PTPRD: variants seen among roughly 807,000 people sequenced by gnomAD.
PTPRD encodes the protein receptor-type tyrosine-protein phosphatase delta.
Under a neutral mutation model 214.5 loss-of-function variants are expected in PTPRD, and 34 were observed. The ratio of observed to expected loss-of-function variants is 0.16; its 90% CI spans 0.12 to 0.21. The LOEUF (loss-of-function observed/expected upper bound fraction) is 0.21. Ranked by LOEUF, PTPRD falls within the 10% of genes least tolerant of loss-of-function variation. The pLI, the probability that PTPRD is intolerant of heterozygous loss-of-function variation, is 1.00. For synonymous variants in PTPRD, 1,128 were observed against 845.7 expected, an observed-to-expected ratio of 1.33 and a Z score of -5.79; for missense variants, 2,545 against 2,398.7, an observed-to-expected ratio of 1.06 and a Z score of -1.27.
intron 9 of PTPRD, among the ~76,000 whole-genome samples, chr9:9,300,984 C>A (rs985768223): frequency 2.0e-5 from 3 of 151,716 alleles, no homozygotes; most frequent in African/African-American, 7.3e-5. Context: ...TGTGAACTCA[C>A]CAAAGCACCA....
At chr9:10,464,519 C>A (rs756917462) in intron 2 of PTPRD, among the ~76,000 whole-genome samples, 1 of 149,596 alleles carries the variant, frequency 6.7e-6, no homozygotes, top group Non-Finnish European at 1.5e-5. Context: ...ATGAAGAGAA[C>A]GAAAGATAAA....
chr9:8,528,571 A>C lies in PTPRD; in HGVS notation c.541+20T>G, dbSNP rs1253720592. ...AAAAAAATTCTCTAGGAGTTAGTAG[A>C]AACAGTAACAAGACCCTACCTGATC... On this transcript the variant is annotated intron_variant, in intron 15 of 45. Transcript: ENST00000381196. 3.1e-6 allele frequency: 5 copies of C among 1,608,016 alleles called. No individual in the cohort carries two copies. The highest frequency in any genetic ancestry group is 4.2e-6 in the Non-Finnish European group (5 of 1,176,986).
intron 14 of PTPRD, among the ~76,000 whole-genome samples, chr9:8,543,105 A>G (rs967132292): frequency 6.6e-6 from 1 of 152,244 alleles, no homozygotes; most frequent in African/African-American, 2.4e-5. Context: ...ACATTTTAAT[A>G]TACAACATGC....
At chr9:10,475,973 G>C (rs1287490849) in intron 2 of PTPRD, among the ~76,000 whole-genome samples, 1 of 151,962 alleles carries the variant, frequency 6.6e-6, no homozygotes, top group African/African-American at 2.4e-5. Context: ...GATATTGATA[G>C]AAGATATCTC....
At chr9:8,573,443 A>G (rs1479239609) in intron 14 of PTPRD, among the ~76,000 whole-genome samples, 3 of 151,966 alleles carry the variant, frequency 2.0e-5, no homozygotes, top group African/African-American at 7.2e-5. Flanking sequence ...GAAATTGGGG[A>G]GACCCTGGAT....
chr9:9,857,294 C>T (rs2153682471), intron 5 of PTPRD, among the ~76,000 whole-genome samples: 1 of 152,226 alleles, frequency 6.6e-6, no homozygotes, highest in African/African-American at 2.4e-5. Context: ...GTTCTTGTTA[C>T]CAGGGTGTGA....
In PTPRD at chr9:9,150,862, T is replaced by G. The variant is rs2099876168; in HGVS notation, c.-143+32442A>C. 3.9e-5 allele frequency among the ~76,000 whole-genome samples: 6 copies of G among 152,330 alleles called. No homozygotes were observed. In the South Asian group the frequency reaches 1.2e-3, roughly 32 times the overall value. On this transcript the variant is annotated intron_variant, in intron 10 of 45. Transcript: ENST00000381196. ...GGATGCGTGTGTTTGATAAAACAAG[T>G]AAGTTCAGTTAAATTTTCCTTGGGG... is the stretch of plus-strand genomic sequence containing the variant.
chr9:9,687,502 C>A (rs561112908), intron 7 of PTPRD, among the ~76,000 whole-genome samples: 1 of 150,748 alleles, frequency 6.6e-6, no homozygotes, highest in East Asian at 2.0e-4. Context: ...CCTCAGGAAA[C>A]TGAAAAATAT....
chr9:10,278,931 C>T (rs753520892), intron 3 of PTPRD, among the ~76,000 whole-genome samples: 11 of 151,948 alleles, frequency 7.2e-5, no homozygotes, highest in Admixed American at 2.0e-4. Context: ...CACACCACCA[C>T]GCCAGGCTAA....
intron 14 of PTPRD, among the ~76,000 whole-genome samples, chr9:8,598,314 T>C (rs1325568672): frequency 6.6e-6 from 1 of 151,970 alleles, no homozygotes; most frequent in Admixed American, 6.6e-5. Context: ...TAGCCCAGTA[T>C]GGTGGCATGC....
At chr9:8,494,345 G>A (rs1017251750) in intron 26 of PTPRD, among the ~76,000 whole-genome samples, 1 of 152,118 alleles carries the variant, frequency 6.6e-6, no homozygotes, top group Non-Finnish European at 1.5e-5. Context: ...AAGAGTCACT[G>A]GAAATTTTAT....
intron 12 of PTPRD, among the ~76,000 whole-genome samples, chr9:8,721,672 CA>C (rs1369925495): frequency 6.6e-6 from 1 of 152,158 alleles, no homozygotes; most frequent in Non-Finnish European, 1.5e-5. Flanking sequence ...TTTGTCTTTA[CA>C]GCAATCCTAT....
intron 3 of PTPRD, among the ~76,000 whole-genome samples, chr9:10,160,482 T>C (rs1283550548): frequency 2.0e-5 from 3 of 151,916 alleles, no homozygotes; most frequent in Non-Finnish European, 2.9e-5. Flanking sequence ...AAAAACCATA[T>C]GGTTATTTTA....
At chr9:9,189,838 G>T (rs776260678) in intron 9 of PTPRD, among the ~76,000 whole-genome samples, 4 of 151,974 alleles carry the variant, frequency 2.6e-5, no homozygotes, top group Admixed American at 1.3e-4. Context: ...GCTGTTCATT[G>T]ATATTTCCAT....
intron 8 of PTPRD, among the ~76,000 whole-genome samples, chr9:9,533,719 T>A (rs1300141159): frequency 1.3e-5 from 2 of 152,022 alleles, no homozygotes; most frequent in African/African-American, 4.8e-5. Flanking sequence ...TGATGATCTC[T>A]CAGTCACTAA....
At chr9:10,118,295 A>G (rs930730772) in intron 3 of PTPRD, among the ~76,000 whole-genome samples, 1 of 151,704 alleles carries the variant, frequency 6.6e-6, no homozygotes, top group Admixed American at 6.6e-5. Flanking sequence ...ATCTATAGAA[A>G]CATTTATTAT....
At chr9:8,319,672 C>G (rs1028634865) in intron 45 of PTPRD, among the ~76,000 whole-genome samples, 159 bp downstream of exon 45, 1 of 151,954 alleles carries the variant, frequency 6.6e-6, no homozygotes, top group African/African-American at 2.4e-5. Context: ...AATCTCATCC[C>G]ATTTAAAAAG....
chr9:10,501,451 G>C (rs1336359011), intron 2 of PTPRD, among the ~76,000 whole-genome samples: 2 of 151,928 alleles, frequency 1.3e-5, no homozygotes, highest in Non-Finnish European at 2.9e-5. Context: ...CAGATGGACT[G>C]TTTGCAAATA....
intron 14 of PTPRD, among the ~76,000 whole-genome samples, chr9:8,556,968 T>A (rs1369384934): frequency 6.6e-6 from 1 of 152,186 alleles, no homozygotes; most frequent in East Asian, 1.9e-4. Context: ...TCTCCCATTA[T>A]ATAAATTAAT....
Sources: allele counts gnomAD v4.1 joint callset (sites outside exome capture counted in the v4.1 genomes callset), GRCh38; gene constraint gnomAD v4.1.1; transcripts MANE v1.5; gene names NCBI Gene and HGNC (gene_info 2026-07-23, HGNC 2026-07-21).